The following RBMS3 variants were observed in gnomAD, a reference collection of about 807,000 sequenced individuals.
RBMS3 encodes RNA-binding motif, single-stranded-interacting protein 3.
RBMS3 carries 27 observed loss-of-function variants against 66.8 expected under a neutral mutation model. That is an observed-to-expected ratio of 0.40 (90% CI 0.30 to 0.56). The LOEUF (loss-of-function observed/expected upper bound fraction) is 0.56, where lower values mean the gene tolerates loss of function less well. Among genes scored for constraint, RBMS3 ranks in the 20% least tolerant of loss-of-function variants. The pLI is 0.40. For missense variants in RBMS3, 513 were observed against 549.5 expected (o/e 0.93, Z 0.66); for synonymous variants, 188 against 183.0 (o/e 1.03, Z -0.22).
intron 4 of RBMS3, among the ~76,000 whole-genome samples, chr3:29,730,392 A>G (rs1221277280): frequency 6.6e-6 from 1 of 152,004 alleles, no homozygotes; most frequent in African/African-American, 2.4e-5. Flanking sequence ...TTACATTTCA[A>G]TGGTATGTTT....
intron 14 of RBMS3, among the ~76,000 whole-genome samples, chr3:29,998,905 C>A (rs1343918064): frequency 1.1e-4 from 16 of 151,986 alleles, no homozygotes; most frequent in Admixed American, 1.3e-4. Context: ...GCAACAAAAG[C>A]CAAAATTGAC....
intron 10 of RBMS3, among the ~76,000 whole-genome samples, chr3:29,917,608 A>G (rs1416611841): frequency 6.6e-6 from 1 of 151,410 alleles, no homozygotes; most frequent in Non-Finnish European, 1.5e-5. Flanking sequence ...AATCTCATGC[A>G]TGTGTGTGTG....
At chr3:29,332,983 CAGCT>C (rs1559495193) in intron 1 of RBMS3, among the ~76,000 whole-genome samples, 1 of 152,024 alleles carries the variant, frequency 6.6e-6, no homozygotes, top group Non-Finnish European at 1.5e-5. Context: ...ATTATTTTCT[CAGCT>C]AGTCTATTAA....
intron 1 of RBMS3, among the ~76,000 whole-genome samples, chr3:29,383,082 C>G (rs1218353596): frequency 1.3e-5 from 2 of 152,176 alleles, no homozygotes; most frequent in South Asian, 2.1e-4. Context: ...TTTCAGGCCC[C>G]ACAAGCAGCC....
chr3:29,946,890 G>A (rs1450890927), intron 12 of RBMS3, among the ~76,000 whole-genome samples: 1 of 151,560 alleles, frequency 6.6e-6, no homozygotes, highest in Non-Finnish European at 1.5e-5. Flanking sequence ...CTGCGGTCAT[G>A]ATTAGTAGCC....
chr3:29,950,315 C>G (rs1167927885), intron 12 of RBMS3, among the ~76,000 whole-genome samples: 1 of 151,848 alleles, frequency 6.6e-6, no homozygotes, highest in African/African-American at 2.4e-5. Flanking sequence ...TTAAAGCATC[C>G]CGCAGCAGCA....
intron 4 of RBMS3, among the ~76,000 whole-genome samples, chr3:29,659,750 G>A (rs72846069): frequency 0.035 from 5,341 of 152,160 alleles, 210 homozygotes; most frequent in African/African-American, 0.089. Context: ...GTTACAGAGA[G>A]CTGGAATTAC....
intron 4 of RBMS3, among the ~76,000 whole-genome samples, chr3:29,686,766 C>T (rs1395249597): frequency 6.6e-6 from 1 of 152,152 alleles, no homozygotes; most frequent in Non-Finnish European, 1.5e-5. Flanking sequence ...ATACGTCTTT[C>T]CTTATTTTCC....
intron 6 of RBMS3, among the ~76,000 whole-genome samples, chr3:29,855,127 T>G (rs1447263663): frequency 2.0e-5 from 3 of 152,218 alleles, no homozygotes; most frequent in Non-Finnish European, 4.4e-5. Flanking sequence ...CAACAGATAT[T>G]TACTACATGC....
Position 29,976,046 on chromosome 3 carries a change from C to G in RBMS3, c.1099-12097C>G, listed in dbSNP as rs149634839. ...AATATAGAAGTTTTCATTGCCTTCT[C>G]TCATATTTCTAGTTATTTTGGTTTT... On this transcript the variant is annotated intron_variant, in intron 12 of 14. Coordinates refer to ENST00000383767, the MANE Select transcript of RBMS3 (RefSeq NM_001003793.3). Among the ~76,000 whole-genome samples the G allele has an allele frequency of 4.7e-3, 717 of 151,752 alleles. 10 individuals carry two copies. The highest frequency in any genetic ancestry group is 0.016 in the African/African-American group (676 of 41,422).
At chr3:29,445,773 C>T (rs1397237417) in intron 2 of RBMS3, among the ~76,000 whole-genome samples, 1 of 151,988 alleles carries the variant, frequency 6.6e-6, no homozygotes, top group Non-Finnish European at 1.5e-5. Flanking sequence ...TTTTAAAAAA[C>T]AAATTTTTGT....
intron 1 of RBMS3, among the ~76,000 whole-genome samples, chr3:29,384,456 G>T (rs1314795078): frequency 3.0e-4 from 45 of 151,634 alleles, no homozygotes; most frequent in African/African-American, 1.0e-3. Flanking sequence ...AGAAGAAGAA[G>T]AAGAAGAAGA....
intron 4 of RBMS3, among the ~76,000 whole-genome samples, chr3:29,625,739 A>AATAAATAAATAT (rs150565021): frequency 8.7e-5 from 13 of 150,102 alleles, no homozygotes; most frequent in African/African-American, 2.0e-4. Context: ...TAAATAAATA[A>AATAAATAAATAT]AAATAATCTT....
chr3:29,804,937 G>A (rs1334969395), intron 6 of RBMS3, among the ~76,000 whole-genome samples: 1 of 87,244 alleles, frequency 1.1e-5, no homozygotes, highest in East Asian at 2.1e-4. Flanking sequence ...GTGTGTGTGT[G>A]TGTGTGTGTG....
intron 1 of RBMS3, among the ~76,000 whole-genome samples, chr3:29,301,592 AAGAATG>A (rs1384636064): frequency 6.6e-6 from 1 of 152,010 alleles, no homozygotes; most frequent in Non-Finnish European, 1.5e-5. Flanking sequence ...TTTTGTCAGA[AAGAATG>A]AGACAATTGG....
At chr3:29,400,022 G>T (rs1310950787) in intron 1 of RBMS3, among the ~76,000 whole-genome samples, 1 of 152,088 alleles carries the variant, frequency 6.6e-6, no homozygotes, top group East Asian at 1.9e-4. Flanking sequence ...GTATGGTAAA[G>T]GTGTTGTAGA....
At chr3:29,615,953 A>G (rs2048656566) in intron 4 of RBMS3, 1 of 152,186 alleles carries the variant, frequency 6.6e-6, no homozygotes, top group South Asian at 2.1e-4. Flanking sequence ...TAGACTTTTT[A>G]ATTTAGGGCT....
chr3:29,982,410 T>A (rs1032147584), intron 12 of RBMS3, among the ~76,000 whole-genome samples: 12 of 152,166 alleles, frequency 7.9e-5, no homozygotes, highest in African/African-American at 2.9e-4. Flanking sequence ...AATGTCTCTA[T>A]CTCCTTCAGT....
intron 2 of RBMS3, among the ~76,000 whole-genome samples, chr3:29,480,603 A>G (rs79425988): frequency 2.0e-4 from 30 of 152,332 alleles, no homozygotes; most frequent in African/African-American, 7.0e-4. Flanking sequence ...TTAGAAAGTT[A>G]CTGTTCACTT....
Sources: gnomAD v4.1 joint callset for allele counts (sites outside exome capture counted in the v4.1 genomes callset) on GRCh38, gnomAD v4.1.1 for gene constraint, MANE v1.5 for transcripts, NCBI Gene and HGNC (gene_info 2026-07-23, HGNC 2026-07-21) for gene names.